Variants in ANKS1B observed in about 807,000 individuals in gnomAD.
The protein encoded by ANKS1B is ankyrin repeat and sterile alpha motif domain-containing protein 1B.
Under a neutral mutation model 148.3 loss-of-function variants are expected in ANKS1B, and 36 were observed. The observed-to-expected ratio is 0.24, with a 90% CI of 0.19 to 0.32. The LOEUF is 0.32. Among genes scored for constraint, ANKS1B ranks in the 10% least tolerant of loss-of-function variants. ANKS1B has a pLI of 1.00. For missense variants in ANKS1B, 1,157 were observed against 1,542.6 expected, an observed-to-expected ratio of 0.75 and a Z score of 4.19; for synonymous variants, 542 against 560.8, an observed-to-expected ratio of 0.97 and a Z score of 0.47.
chr12:99,558,459 G>A (rs563123814), intron 9 of ANKS1B, among the ~76,000 whole-genome samples: 2 of 152,110 alleles, frequency 1.3e-5, no homozygotes, highest in South Asian at 2.1e-4. Context: ...GTGTGTCAAG[G>A]GGGGAGGGGA....
intron 15 of ANKS1B, among the ~76,000 whole-genome samples, chr12:99,135,890 G>A (rs867244390): frequency 4.6e-5 from 7 of 152,138 alleles, no homozygotes; most frequent in Middle Eastern, 3.4e-3. Context: ...GTCCAGCTTC[G>A]GACAGGAAGA....
intron 1 of ANKS1B, among the ~76,000 whole-genome samples, chr12:99,966,429 T>G (rs2095485239): frequency 6.6e-6 from 1 of 152,212 alleles, no homozygotes; most frequent in African/African-American, 2.4e-5. Context: ...TTTGACAGTA[T>G]GTAGTTCTAC....
intron 17 of ANKS1B, among the ~76,000 whole-genome samples, chr12:98,847,841 C>T (rs1361882222): frequency 6.6e-6 from 1 of 152,128 alleles, no homozygotes; most frequent in Non-Finnish European, 1.5e-5. Context: ...GGTGATTTGC[C>T]CGCCTCAGCC....
At chr12:99,912,725 CTAT>C (rs967120511) in intron 1 of ANKS1B, among the ~76,000 whole-genome samples, 2 of 152,000 alleles carry the variant, frequency 1.3e-5, no homozygotes, top group Admixed American at 6.6e-5. Context: ...ATTTTCCAGA[CTAT>C]TATTTCTATT....
chr12:99,863,667 A>G (rs2090339827), intron 1 of ANKS1B, among the ~76,000 whole-genome samples: 1 of 151,944 alleles, frequency 6.6e-6, no homozygotes, highest in African/African-American at 2.4e-5. Context: ...GTGAGCCAAG[A>G]TTGCACCACT....
chr12:99,432,464 G>A (rs1303352171), intron 11 of ANKS1B, among the ~76,000 whole-genome samples: 1 of 152,182 alleles, frequency 6.6e-6, no homozygotes, highest in Non-Finnish European at 1.5e-5. Flanking sequence ...AACAAGGAAG[G>A]AAGGAGGGAG....
At chr12:99,100,049 G>A (rs1170736771) in intron 15 of ANKS1B, among the ~76,000 whole-genome samples, 1 of 152,146 alleles carries the variant, frequency 6.6e-6, no homozygotes, top group Non-Finnish European at 1.5e-5. Context: ...TAGTTGGTAA[G>A]CTCAGTTAAG....
intron 9 of ANKS1B, among the ~76,000 whole-genome samples, chr12:99,650,309 C>T (rs11109972): frequency 0.019 from 2,227 of 119,398 alleles, 54 homozygotes; most frequent in African/African-American, 0.064. Flanking sequence ...TCTCTCTCTC[C>T]TCTCTCTCTC....
rs746974042 is a variant in ANKS1B, at chr12:98,851,507, T to C, written c.2779-19371A>G. 2.6e-5 allele frequency among the ~76,000 whole-genome samples: 4 copies of C among 152,140 alleles called. No individual in the cohort carries two copies. In the South Asian group the frequency reaches 6.2e-4, roughly 24 times the overall value. On this transcript the variant is annotated intron_variant, in intron 17 of 26. Coordinates refer to ENST00000683438, the MANE Select transcript of ANKS1B (RefSeq NM_001352186.2). The stretch of plus-strand genomic sequence containing the variant: ...TTTATGGTTTCAAAATTTTACTTAG[T>C]TCCCTATTAATTTTGCTAAGGGGGA...
At chr12:99,649,390 G>A (rs924327345) in intron 9 of ANKS1B, 26 of 1,613,032 alleles carry the variant, frequency 1.6e-5, no homozygotes, top group Non-Finnish European at 2.2e-5. Context: ...TTATACAATA[G>A]AGATATGAAT....
Position 99,044,725 on chromosome 12 carries a change from T to G in ANKS1B, c.2778+8432A>C, listed in dbSNP as rs182694772. On this transcript the variant is annotated intron_variant, in intron 17 of 26. Coordinates refer to ENST00000683438, the MANE Select transcript of ANKS1B (RefSeq NM_001352186.2). ...GGGATCTGGGGAAGTACAAAAAACA[T>G]AGAGAGGCAAAAGACAAATAAAATA... Among the ~76,000 whole-genome samples, 9 of 151,978 alleles carry G rather than the reference T, an allele frequency of 5.9e-5. No homozygotes were observed. The East Asian group carries it at 1.5e-3, about 26-fold the overall frequency.
At chr12:98,966,106 C>T (rs1468013368) in intron 17 of ANKS1B, among the ~76,000 whole-genome samples, 1 of 152,170 alleles carries the variant, frequency 6.6e-6, no homozygotes, top group African/African-American at 2.4e-5. Context: ...TCAGAGTGAA[C>T]AGGCAACCTA....
At chr12:99,465,603 C>T (rs1325117648) in intron 10 of ANKS1B, among the ~76,000 whole-genome samples, 2 of 151,840 alleles carry the variant, frequency 1.3e-5, no homozygotes, top group Non-Finnish European at 2.9e-5. Context: ...GGAAGATCTA[C>T]CAAGCAAATG....
chr12:99,062,989 G>C (rs570796492), intron 16 of ANKS1B, among the ~76,000 whole-genome samples: 2 of 152,124 alleles, frequency 1.3e-5, no homozygotes, highest in African/African-American at 4.8e-5. Context: ...ATGCTTGTAC[G>C]TGAAGTACCT....
At chr12:99,581,839 C>T (rs1597478715) in intron 9 of ANKS1B, among the ~76,000 whole-genome samples, 1 of 146,648 alleles carries the variant, frequency 6.8e-6, no homozygotes, top group East Asian at 2.0e-4. Context: ...TGCAGTGAGC[C>T]GAGATTGCGC....
intron 12 of ANKS1B, among the ~76,000 whole-genome samples, chr12:99,255,914 C>T (rs2638561): frequency 0.96 from 146,916 of 152,304 alleles, 70,898 homozygotes; most frequent in East Asian, 1. Flanking sequence ...ATGTATTCTC[C>T]AATTGTTGAA....
At chr12:98,747,790 C>G (rs2097931441) in intron 26 of ANKS1B, among the ~76,000 whole-genome samples, 2 of 152,162 alleles carry the variant, frequency 1.3e-5, no homozygotes, top group African/African-American at 4.8e-5. Flanking sequence ...AGAATGAGAT[C>G]CTGTCATTTG....
intron 9 of ANKS1B, among the ~76,000 whole-genome samples, chr12:99,597,266 G>C (rs2097766088): frequency 6.6e-6 from 1 of 151,470 alleles, no homozygotes; most frequent in Admixed American, 6.6e-5. Context: ...GAGAGAGAGA[G>C]AGACAGAGAG....
intron 6 of ANKS1B, among the ~76,000 whole-genome samples, chr12:99,779,299 G>A (rs1371559420): frequency 6.6e-6 from 1 of 152,154 alleles, no homozygotes; most frequent in Non-Finnish European, 1.5e-5. Flanking sequence ...ATTGGATTAG[G>A]AAGGAAATAA....
Sources: gnomAD v4.1 joint callset for allele counts (sites outside exome capture counted in the v4.1 genomes callset) on GRCh38, gnomAD v4.1.1 for gene constraint, MANE v1.5 for transcripts, NCBI Gene and HGNC (gene_info 2026-07-23, HGNC 2026-07-21) for gene names.